ZNF595: variants seen among roughly 807,000 people sequenced by gnomAD.
ZNF595 encodes zinc finger protein 595.
A neutral mutation model predicts 19.4 loss-of-function variants in ZNF595; 9 were observed. The observed-to-expected ratio is 0.46, with a 90% CI of 0.28 to 0.81. The LOEUF is 0.81. Ranked by LOEUF, ZNF595 falls within the 30% of genes least tolerant of loss-of-function variation. The pLI is 0.11. For synonymous variants in ZNF595, 255 were observed against 255.9 expected, an observed-to-expected ratio of 1.00 and a Z score of 0.03; for missense variants, 729 against 736.0, an observed-to-expected ratio of 0.99 and a Z score of 0.11.
intron 3 of ZNF595, among the ~76,000 whole-genome samples, chr4:71,881 T>C (rs1313411100): frequency 6.6e-6 from 1 of 152,102 alleles, no homozygotes; most frequent in Non-Finnish European, 1.5e-5. Flanking sequence ...ACATTGAATG[T>C]TCATTCTAGC....
intron 3 of ZNF595, among the ~76,000 whole-genome samples, chr4:73,130 T>C (rs2108755744): frequency 6.6e-6 from 1 of 152,236 alleles, no homozygotes; most frequent in East Asian, 1.9e-4. Context: ...AGGTAAGAAG[T>C]GACTTTATTC....
intron 3 of ZNF595, among the ~76,000 whole-genome samples, chr4:72,659 G>A (rs1713479894): frequency 6.6e-6 from 1 of 152,042 alleles, no homozygotes; most frequent in Admixed American, 6.6e-5. Flanking sequence ...GACATTTGCT[G>A]TCTGAAATGG....
intron 3 of ZNF595, among the ~76,000 whole-genome samples, chr4:64,470 G>A (rs1192256459): frequency 6.6e-6 from 1 of 152,306 alleles, no homozygotes; most frequent in East Asian, 1.9e-4. Context: ...TAAATGTAAA[G>A]TGACCGAGCA....
At chr4:84,426 A>G (rs1346036505) in intron 3 of ZNF595, among the ~76,000 whole-genome samples, 3 of 152,186 alleles carry the variant, frequency 2.0e-5, no homozygotes, top group African/African-American at 7.2e-5. Context: ...ACATTTGGTT[A>G]TCTTGAAAGA....
intron 3 of ZNF595, among the ~76,000 whole-genome samples, chr4:79,912 T>C (rs577340625): frequency 1.3e-5 from 2 of 152,314 alleles, no homozygotes; most frequent in Non-Finnish European, 2.9e-5. Flanking sequence ...TTGCCAATGT[T>C]TTATAATTTT....
chr4:73,117 A>T (rs1007729802), intron 3 of ZNF595, among the ~76,000 whole-genome samples: 6 of 152,140 alleles, frequency 3.9e-5, no homozygotes, highest in Non-Finnish European at 7.4e-5. Context: ...ATAAATTCCA[A>T]TGAGGTAAGA....
rs1245343540 is a variant in ZNF595 at position 75,031 on chromosome 4, A to AT, written c.227-10690dup. Among the ~76,000 whole-genome samples the AT allele has an allele frequency of 6.3e-3, 942 of 148,964 alleles. 12 individuals carry two copies. The highest frequency in any genetic ancestry group is 0.021 in the African/African-American group (872 of 40,572). On this transcript the variant is annotated intron_variant, in intron 3 of 3. Transcript: ENST00000610261. ...AGTGAAGATCTTTTTTTCATGACAG[A>AT]TTTTTTTTTTCCTAGAAATCTCTTT... is the stretch of plus-strand genomic sequence containing the variant.
chr4:74,138 T>C (rs544114028), intron 3 of ZNF595, among the ~76,000 whole-genome samples: 3 of 151,942 alleles, frequency 2.0e-5, no homozygotes, highest in Non-Finnish European at 1.5e-5. Flanking sequence ...TGAAATCTTA[T>C]GTCTACCAAA....
intron 3 of ZNF595, among the ~76,000 whole-genome samples, chr4:77,646 A>G (rs1273332693): frequency 6.6e-6 from 1 of 152,192 alleles, no homozygotes; most frequent in Non-Finnish European, 1.5e-5. Context: ...CATAACTACT[A>G]CTATGTCTGC....
chr4:74,410 C>T (rs1713560295), intron 3 of ZNF595, among the ~76,000 whole-genome samples: 1 of 152,150 alleles, frequency 6.6e-6, no homozygotes, highest in South Asian at 2.1e-4. Flanking sequence ...TTAAGTAGGG[C>T]AATAAAGTTC....
rs1458436855 is a variant in ZNF595 at position 86,150 on chromosome 4, A to C, written c.646A>C (p.Ser216Arg). The stretch of plus-strand genomic sequence containing the variant: ...AGCCTTTAATAGGTCCACATCACTT[A>C]GTAAACATAAGAGAATTCATACTGG... ...GKAFNRSTSL[S>R]KHKRIHTGEK... Residue 216 changes from serine to arginine, a missense_variant, in exon 4 of 4, where the codon AGT becomes CGT. Transcript: ENST00000610261. 1.2e-6 allele frequency: 2 copies of C among 1,613,854 alleles called. No homozygotes were observed. The highest frequency in any genetic ancestry group is 1.3e-5 in the African/African-American group (1 of 75,056).
intron 3 of ZNF595, among the ~76,000 whole-genome samples, chr4:73,671 A>C (rs10034988): frequency 6.6e-6 from 1 of 152,174 alleles, no homozygotes; most frequent in Non-Finnish European, 1.5e-5. Context: ...CTTTTGTCCT[A>C]TATATTTTTT....
chr4:71,758 A>G (rs1248253872), intron 3 of ZNF595, among the ~76,000 whole-genome samples: 1 of 152,218 alleles, frequency 6.6e-6, no homozygotes, highest in Non-Finnish European at 1.5e-5. Flanking sequence ...CATGTTTTAG[A>G]GACACATTGC....
intron 3 of ZNF595, among the ~76,000 whole-genome samples, chr4:64,361 C>A (rs1581328032): frequency 6.6e-6 from 1 of 152,270 alleles, no homozygotes; most frequent in African/African-American, 2.4e-5. Flanking sequence ...ACCCTACATA[C>A]AAATATTTGT....
rs781921578 is a variant in ZNF595 at position 86,947 on chromosome 4, A to G, written c.1443A>G (p.Lys481=). 33 of 1,613,798 alleles carry G rather than the reference A, an allele frequency of 2.0e-5. No homozygotes were observed. Among genetic ancestry groups the G allele is most frequent in the Non-Finnish European group, 2.7e-5 (32 of 1,179,890 alleles). ...KKIHTGEKPY[K]CEECGKAFIW... is the part of the protein sequence containing the mutation. The stretch of plus-strand genomic sequence containing the variant: ...TTCATACTGGCGAGAAACCCTACAA[A>G]TGTGAAGAATGTGGCAAAGCTTTCA... The change falls in exon 4 of 4, where the codon AAA becomes AAG. Residue 481 remains lysine, a synonymous_variant. Transcript: ENST00000610261.
At position 85,684 on chromosome 4, in the gene ZNF595, A is replaced by C; in HGVS notation, c.227-47A>C. 4 of 1,508,880 alleles carry C rather than the reference A, an allele frequency of 2.7e-6. No homozygotes were observed. The East Asian group carries it at 9.1e-5, about 34-fold the overall frequency. The allele number at this position is 1,508,880 out of a possible 1,614,324, so 93.5% of individuals were successfully genotyped here. Reference sequence around the variant, plus strand: ...GATATTACATTCGTAAAGTATATTCATATGAATCTAGTAAGTGGGATAATT... The same window carrying C: ...GATATTACATTCGTAAAGTATATTCCTATGAATCTAGTAAGTGGGATAATT... On this transcript the variant is annotated intron_variant, in intron 3 of 3. Coordinates refer to ENST00000610261, the MANE Select transcript of ZNF595 (RefSeq NM_182524.4).
In ZNF595 at chr4:87,558, A is replaced by T. The variant is rs558499585; in HGVS notation, c.*107A>T. On this transcript the variant is annotated 3_prime_UTR_variant, in exon 4 of 4. Coordinates refer to ENST00000610261, the MANE Select transcript of ZNF595 (RefSeq NM_182524.4). The stretch of plus-strand genomic sequence containing the variant: ...TTATTTTTCTTATTTTAAATTTTTT[A>T]AAATTTCTGTAGGTACATAGTATGT... The T allele has an allele frequency of 1.7e-5, 19 of 1,118,588 alleles. No individual in the cohort carries two copies. The highest frequency in any genetic ancestry group is 3.2e-5 in the African/African-American group (2 of 63,442). 69.3% of individuals were successfully genotyped at this position (1,118,588 alleles called of 1,614,324 possible).
Position 62,032 on chromosome 4 carries a change from T to G in ZNF595, c.226+1879T>G, listed in dbSNP as rs1289345460. On this transcript the variant is annotated intron_variant, in intron 3 of 3. Transcript: ENST00000610261. Reference sequence around the variant, plus strand: ...TTTTTTTTTTTGTCACAAGAACACTTGAGGTCTACTGTTGTAGCAAATTGT... The same window carrying G: ...TTTTTTTTTTTGTCACAAGAACACTGGAGGTCTACTGTTGTAGCAAATTGT... Among the ~76,000 whole-genome samples, 5 of 130,364 alleles carry G rather than the reference T, an allele frequency of 3.8e-5. 1 individual carries two copies. Among genetic ancestry groups the G allele is most frequent in the South Asian group, 5.9e-4 (2 of 3,412 alleles). 85.5% of individuals were successfully genotyped at this position (130,364 alleles called of 152,430 possible).
At chr4:68,819 G>T (rs1713313132) in intron 3 of ZNF595, among the ~76,000 whole-genome samples, 2 of 152,004 alleles carry the variant, frequency 1.3e-5, no homozygotes, top group Non-Finnish European at 2.9e-5. Flanking sequence ...TTTGACTATA[G>T]TCACTCTGTT....
Sources: gnomAD v4.1 joint callset for allele counts (sites outside exome capture counted in the v4.1 genomes callset) on GRCh38, gnomAD v4.1.1 for gene constraint, MANE v1.5 for transcripts, NCBI Gene and HGNC (gene_info 2026-07-23, HGNC 2026-07-21) for gene names.